Variants in TRHDE observed in about 807,000 individuals in gnomAD.
TRHDE encodes the protein thyrotropin-releasing hormone-degrading ectoenzyme.
In TRHDE, 72 loss-of-function variants were observed where a neutral mutation model predicts 125.7. The ratio of observed to expected loss-of-function variants is 0.57; its 90% CI spans 0.47 to 0.70. The LOEUF is 0.70. TRHDE is among the 30% of genes least tolerant of loss of function. The probability of loss-of-function intolerance (pLI) is 0.00; values close to 1 mark genes in which losing one functional copy is unlikely to be tolerated. For synonymous variants in TRHDE, 509 were observed against 509.1 expected (o/e 1.00, Z 0.00); for missense variants, 1,110 against 1,327.1 (o/e 0.84, Z 2.54).
At chr12:72,616,821 T>C (rs751601886) in intron 12 of TRHDE, among the ~76,000 whole-genome samples, 5 of 152,094 alleles carry the variant, frequency 3.3e-5, no homozygotes, top group Admixed American at 6.6e-5. Context: ...ATCTTCAACA[T>C]TATACAATTT....
At chr12:72,639,552 C>G (rs565686206) in intron 15 of TRHDE, among the ~76,000 whole-genome samples, 1 of 151,850 alleles carries the variant, frequency 6.6e-6, no homozygotes, top group African/African-American at 2.4e-5. Context: ...TGAGGAACTG[C>G]GTTCCTTTGG....
At chr12:72,155,905 A>G (rs1337839919) in intron 2 of TRHDE, among the ~76,000 whole-genome samples, 1 of 152,148 alleles carries the variant, frequency 6.6e-6, no homozygotes, top group Non-Finnish European at 1.5e-5. Context: ...TGGGAGAACC[A>G]CTACTCTCTT....
At chr12:72,227,488 CAT>C (rs1253841728) in intron 2 of TRHDE, among the ~76,000 whole-genome samples, 2 of 152,196 alleles carry the variant, frequency 1.3e-5, no homozygotes, top group African/African-American at 4.8e-5. Context: ...CCTCCCATGA[CAT>C]GTGGGAATTG....
intron 12 of TRHDE, among the ~76,000 whole-genome samples, chr12:72,618,661 G>C (rs185475572): frequency 3.6e-4 from 55 of 152,078 alleles, no homozygotes; most frequent in Admixed American, 2.2e-3. Flanking sequence ...AAAAATATGC[G>C]TTCTGATGTT....
chr12:72,220,261 AATT>A (rs748238106), intron 2 of TRHDE, among the ~76,000 whole-genome samples: 32 of 152,240 alleles, frequency 2.1e-4, no homozygotes, highest in Non-Finnish European at 3.7e-4. Context: ...GTTGTTATCC[AATT>A]ATTATTCTTA....
rs999784244 is a variant in TRHDE at position 72,197,556 on chromosome 12, T to G, written n.279+91804T>G. 7.9e-5 allele frequency among the ~76,000 whole-genome samples: 12 copies of G among 152,302 alleles called. No homozygotes were observed. The East Asian group carries it at 1.9e-3, about 24-fold the overall frequency. ...TTGCTTAAAACTTTTAAATGGTTTA[T>G]TTTTGGACTTAAGGTAAAATCTGAA... On this transcript the variant is annotated intron_variant and non_coding_transcript_variant, in intron 2 of 4. Transcript: ENST00000548156.
chr12:72,476,852 T>C lies in TRHDE; in HGVS notation c.1584+3672T>C, dbSNP rs764668207. On this transcript the variant is annotated intron_variant, in intron 5 of 18. Transcript: ENST00000261180. Reference sequence around the variant, plus strand: ...TAACTGTTAGTAAAATCTTAGGTTGTATGTATGTGTGTTTTCAGAGCCAGT... The same window carrying C: ...TAACTGTTAGTAAAATCTTAGGTTGCATGTATGTGTGTTTTCAGAGCCAGT... 7.9e-5 allele frequency among the ~76,000 whole-genome samples: 12 copies of C among 152,322 alleles called. 1 individual carries two copies. In the South Asian group the frequency reaches 2.3e-3, roughly 29 times the overall value.
intron 3 of TRHDE, among the ~76,000 whole-genome samples, chr12:72,439,892 G>T (rs1874919711): frequency 6.6e-6 from 1 of 151,522 alleles, no homozygotes; most frequent in African/African-American, 2.4e-5. Flanking sequence ...GTTAGTTGTG[G>T]GTTTGTCATA....
chr12:72,388,003 C>A (rs1245223278), intron 3 of TRHDE, among the ~76,000 whole-genome samples: 1 of 152,102 alleles, frequency 6.6e-6, no homozygotes. Context: ...GCTTGCAAGA[C>A]CCTGCATGCT....
At chr12:72,578,032 G>A (rs1871076460) in intron 12 of TRHDE, among the ~76,000 whole-genome samples, 2 of 152,090 alleles carry the variant, frequency 1.3e-5, no homozygotes, top group African/African-American at 4.8e-5. Flanking sequence ...TTGTAGTATT[G>A]TAAATATTCC....
At chr12:72,142,625 C>T (rs1876141342) in intron 2 of TRHDE, among the ~76,000 whole-genome samples, 1 of 152,126 alleles carries the variant, frequency 6.6e-6, no homozygotes, top group Non-Finnish European at 1.5e-5. Flanking sequence ...TGTTTTCATG[C>T]CCAAAAAGTT....
At chr12:72,358,268 C>A (rs1269008720) in intron 2 of TRHDE, among the ~76,000 whole-genome samples, 3 of 151,454 alleles carry the variant, frequency 2.0e-5, no homozygotes, top group Non-Finnish European at 4.4e-5. Context: ...CTCTCCCAAC[C>A]CTGGGACAGC....
intron 15 of TRHDE, among the ~76,000 whole-genome samples, chr12:72,627,453 C>T (rs1053954998): frequency 2.0e-5 from 3 of 151,826 alleles, no homozygotes; most frequent in African/African-American, 4.8e-5. Context: ...AGAGATTGGT[C>T]ATAAGAGTCT....
chr12:72,596,567 A>C (rs1358113670), intron 12 of TRHDE, among the ~76,000 whole-genome samples: 4 of 152,326 alleles, frequency 2.6e-5, no homozygotes, highest in Non-Finnish European at 5.9e-5. Context: ...GGGTGGTTTA[A>C]ATACAAATAT....
intron 5 of TRHDE, among the ~76,000 whole-genome samples, chr12:72,475,357 A>G (rs1876842431): frequency 1.3e-5 from 2 of 152,232 alleles, no homozygotes; most frequent in South Asian, 2.1e-4. Flanking sequence ...TGTGTTATGC[A>G]TAGGTGTTGC....
intron 2 of TRHDE, among the ~76,000 whole-genome samples, chr12:72,199,292 T>A (rs1877508073): frequency 6.6e-6 from 1 of 152,060 alleles, no homozygotes; most frequent in Non-Finnish European, 1.5e-5. Flanking sequence ...AAAAAACAGC[T>A]TAAATATTCA....
intron 12 of TRHDE, among the ~76,000 whole-genome samples, chr12:72,602,129 G>C (rs1872234357): frequency 6.6e-6 from 1 of 152,054 alleles, no homozygotes; most frequent in South Asian, 2.1e-4. Flanking sequence ...GATTTTTAAG[G>C]ACACTTAGTT....
chr12:72,556,817 T>C lies in TRHDE; in HGVS notation c.1789-5348T>C, dbSNP rs147491138. On this transcript the variant is annotated intron_variant, in intron 7 of 18. Transcript: ENST00000261180. The stretch of plus-strand genomic sequence containing the variant: ...AATATTTCAAACTCTTGCTTCAGCC[T>C]TCTTGTCACATCTTCAGAAAAATCA... 2.2e-3 allele frequency among the ~76,000 whole-genome samples: 336 copies of C among 152,304 alleles called. 2 individuals carry two copies. Among genetic ancestry groups the C allele is most frequent in the African/African-American group, 7.6e-3 (314 of 41,570 alleles).
chr12:72,526,546 C>T (rs188387319), intron 6 of TRHDE, among the ~76,000 whole-genome samples: 2 of 152,062 alleles, frequency 1.3e-5, no homozygotes, highest in Admixed American at 1.3e-4. Flanking sequence ...CATAAATATG[C>T]AAAGATATTT....
Sources: gnomAD v4.1 joint callset for allele counts (sites outside exome capture counted in the v4.1 genomes callset) on GRCh38, gnomAD v4.1.1 for gene constraint, MANE v1.5 for transcripts, NCBI Gene and HGNC (gene_info 2026-07-23, HGNC 2026-07-21) for gene names.